The following SOS1 variants were observed in gnomAD, a reference collection of about 807,000 sequenced individuals.
SOS1 encodes the protein SOS Ras/Rac guanine nucleotide exchange factor 1.
Under a neutral mutation model 157.6 loss-of-function variants are expected in SOS1, and 25 were observed. The observed-to-expected ratio is 0.16, with a 90% confidence interval of 0.12 to 0.22. SOS1 has a LOEUF of 0.22. SOS1 is among the 10% of genes least tolerant of loss of function. SOS1 has a pLI of 1.00. For synonymous variants in SOS1, 528 were observed against 534.0 expected, an observed-to-expected ratio of 0.99 and a Z score of 0.16; for missense variants, 1,237 against 1,599.1, an observed-to-expected ratio of 0.77 and a Z score of 3.86.
intron 6 of SOS1, among the ~76,000 whole-genome samples, chr2:39,045,697 GATTTT>G: frequency 6.6e-6 from 1 of 152,030 alleles, no homozygotes; most frequent in Non-Finnish European, 1.5e-5. Flanking sequence ...GCATAAAGTG[GATTTT>G]ATTTTTATTT....
chr2:39,030,683 CTT>C (rs1161921883), intron 8 of SOS1, among the ~76,000 whole-genome samples: 1 of 152,046 alleles, frequency 6.6e-6, no homozygotes, highest in African/African-American at 2.4e-5. Context: ...GTACCAAAAA[CTT>C]ATTGTTAAGG....
At chr2:39,022,078 T>A (rs1460399332) in intron 10 of SOS1, among the ~76,000 whole-genome samples, 1 of 151,802 alleles carries the variant, frequency 6.6e-6, no homozygotes, top group Admixed American at 6.6e-5. Context: ...AAAACTGGAA[T>A]CCTTGGCTTC....
chr2:39,103,499 C>T (rs532001309), intron 1 of SOS1, among the ~76,000 whole-genome samples: 4 of 152,162 alleles, frequency 2.6e-5, no homozygotes, highest in Non-Finnish European at 5.9e-5. Context: ...TAAACTGATA[C>T]ATCTATGACC....
rs139683425 is a variant in SOS1, at chr2:39,022,781, T to C, written c.1647A>G (p.Thr549=). ...TTGTTACATCAAGCATCCTTTCCAG[T>C]GTACTCCGGTACTGTAAAGATATCA... ...AALISLQYRS[T]LERMLDVTML... The change falls in exon 10 of 23, where the codon ACA becomes ACG. Residue 549 remains threonine (T), a synonymous_variant. Transcript: ENST00000402219. The C allele has an allele frequency of 2.2e-5, 36 of 1,613,646 alleles. No individual in the cohort carries two copies. The African/African-American group carries it at 3.7e-4, about 17-fold the overall frequency.
chr2:39,119,591 GAAGCTTTAA>G (rs1424243618), intron 1 of SOS1, among the ~76,000 whole-genome samples: 6 of 152,164 alleles, frequency 3.9e-5, no homozygotes, highest in African/African-American at 9.7e-5. Flanking sequence ...TGCTGCTTTA[GAAGCTTTAA>G]AAACGTAAGA....
chr2:39,100,041 C>T (rs1672905929), intron 1 of SOS1, among the ~76,000 whole-genome samples: 1 of 152,106 alleles, frequency 6.6e-6, no homozygotes, highest in East Asian at 1.9e-4. Context: ...CTGAAGAAGA[C>T]ATACTAATGA....
intron 1 of SOS1, among the ~76,000 whole-genome samples, chr2:39,102,956 A>G (rs1353121571): frequency 6.6e-6 from 1 of 152,154 alleles, no homozygotes; most frequent in Non-Finnish European, 1.5e-5. Context: ...CCCTGTCTCA[A>G]AAAAATAAAT....
intron 1 of SOS1, among the ~76,000 whole-genome samples, chr2:39,099,223 T>A (rs1672879317): frequency 6.6e-6 from 1 of 152,218 alleles, no homozygotes; most frequent in South Asian, 2.1e-4. Flanking sequence ...GATGAATGTA[T>A]AAGCAAAATG....
intron 10 of SOS1, among the ~76,000 whole-genome samples, chr2:39,020,046 G>A (rs940072642): frequency 7.9e-5 from 12 of 151,478 alleles, no homozygotes; most frequent in Non-Finnish European, 4.4e-5. Flanking sequence ...CACCTTATAT[G>A]AGTCAATGTA....
chr2:39,032,070 T>G (rs1421022352), intron 8 of SOS1, among the ~76,000 whole-genome samples: 1 of 152,226 alleles, frequency 6.6e-6, no homozygotes, highest in Non-Finnish European at 1.5e-5. Flanking sequence ...TTTTGATAGA[T>G]GTATATAATC....
At chr2:39,118,227 A>G (rs1402324985) in intron 1 of SOS1, among the ~76,000 whole-genome samples, 1 of 152,228 alleles carries the variant, frequency 6.6e-6, no homozygotes, top group East Asian at 1.9e-4. Flanking sequence ...AAGAAGGATG[A>G]AGGGACTAGC....
At position 38,982,564 on chromosome 2, in the gene SOS1, T is replaced by C. The variant is rs1047583377; in HGVS notation, c.*3260A>G. The C allele has an allele frequency of 7.2e-5, 11 of 152,154 alleles. No homozygotes were observed. The highest frequency in any genetic ancestry group is 2.4e-4 in the African/African-American group (10 of 41,452). 9.4% of individuals were successfully genotyped at this position (152,154 alleles called of 1,614,324 possible). A position where few individuals can be genotyped will look rare whatever the true frequency, so the allele number is the denominator to read the frequency against. ...ACACAATATATGTTAAAAGAATAAGTAAACCTATTCACAGCAGCAGAATAC... is the reference window on the plus strand; with the variant it reads ...ACACAATATATGTTAAAAGAATAAGCAAACCTATTCACAGCAGCAGAATAC... On this transcript the variant is annotated 3_prime_UTR_variant, in exon 23 of 23. Transcript: ENST00000402219.
chr2:39,090,696 AAAAC>A lies in SOS1; in HGVS notation c.88-22947_88-22944del, dbSNP rs201702046. ...GAGCGACAGAACGAGCCTCTATCTC[AAAAC>A]AAACAAACAAACAAACAAACAAACA... is the stretch of plus-strand genomic sequence containing the variant. On this transcript the variant is annotated intron_variant, in intron 1 of 22. Transcript: ENST00000402219. Among the ~76,000 whole-genome samples, 1,475 of 152,084 alleles carry A rather than the reference AAAAC, an allele frequency of 9.7e-3. 14 individuals carry two copies. Among genetic ancestry groups the A allele is most frequent in the East Asian group, 0.048 (246 of 5,168 alleles).
intron 15 of SOS1, 133 bp from the exon 16 acceptor site, chr2:39,007,326 A>T (rs1256480303): frequency 1.5e-6 from 1 of 653,614 alleles, no homozygotes; most frequent in Non-Finnish European, 2.7e-6. Flanking sequence ...GAGAAGACAC[A>T]TTCAGGGTGA....
intron 4 of SOS1, among the ~76,000 whole-genome samples, chr2:39,055,585 G>C (rs533976515): frequency 6.6e-6 from 1 of 152,066 alleles, no homozygotes; most frequent in Non-Finnish European, 1.5e-5. Context: ...TTCAAATCAG[G>C]TGGGTTTTTT....
intron 6 of SOS1, among the ~76,000 whole-genome samples, chr2:39,039,885 A>G (rs1396643974): frequency 6.6e-6 from 1 of 152,200 alleles, no homozygotes; most frequent in African/African-American, 2.4e-5. Context: ...GGATTTGCCT[A>G]TTCTGGATAT....
intron 17 of SOS1, among the ~76,000 whole-genome samples, chr2:39,006,108 G>C (rs1356881773): frequency 6.6e-6 from 1 of 152,044 alleles, no homozygotes; most frequent in African/African-American, 2.4e-5. Flanking sequence ...ATATAGTTGA[G>C]TTTGGCTATG....
At position 39,085,314 on chromosome 2, in the gene SOS1, T is replaced by C. The variant is rs144284998; in HGVS notation, c.88-17561A>G. On this transcript the variant is annotated intron_variant, in intron 1 of 22. Coordinates refer to ENST00000402219, the MANE Select transcript of SOS1 (RefSeq NM_005633.4). ...CCTCCTGCCTTGGCCTCCCAAAGTA[T>C]TGGTATTCCAGGCATGGGCCACCAC... Among the ~76,000 whole-genome samples, 244 of 152,348 alleles carry C rather than the reference T, an allele frequency of 1.6e-3. 2 individuals are homozygous for C. Among genetic ancestry groups the C allele is most frequent in the African/African-American group, 5.3e-3 (222 of 41,590 alleles).
At chr2:39,080,003 A>C (rs1224276864) in intron 1 of SOS1, among the ~76,000 whole-genome samples, 5 of 152,104 alleles carry the variant, frequency 3.3e-5, no homozygotes, top group African/African-American at 1.2e-4. Context: ...AGGCAAGACA[A>C]CTTTTCCACA....
Sources: gnomAD v4.1 joint callset for allele counts (sites outside exome capture counted in the v4.1 genomes callset) on GRCh38, gnomAD v4.1.1 for gene constraint, MANE v1.5 for transcripts, NCBI Gene and HGNC (gene_info 2026-07-23, HGNC 2026-07-21) for gene names.